The following FGF12 variants were observed in gnomAD, a reference collection of about 807,000 sequenced individuals.
FGF12 encodes fibroblast growth factor 12B.
FGF12 carries 14 observed loss-of-function variants against 23.6 expected under a neutral mutation model. That is an observed-to-expected ratio of 0.59 (90% confidence interval 0.39 to 0.93). FGF12 has a LOEUF of 0.93. FGF12 is among the 40% of genes least tolerant of loss of function. FGF12 has a pLI of 0.00. For synonymous variants in FGF12, 62 were observed against 77.3 expected (o/e 0.80, Z 1.04); for missense variants, 175 against 217.8 (o/e 0.80, Z 1.24).
intron 4 of FGF12, among the ~76,000 whole-genome samples, chr3:192,323,011 C>A (rs539468205): frequency 5.9e-5 from 9 of 152,140 alleles, no homozygotes; most frequent in Non-Finnish European, 1.3e-4. Context: ...CAAATCAAAG[C>A]TATGATGGGA....
chr3:192,444,094 C>G (rs1234407342), intron 2 of FGF12, among the ~76,000 whole-genome samples: 1 of 152,232 alleles, frequency 6.6e-6, no homozygotes, highest in East Asian at 1.9e-4. Context: ...TGGACTTTAA[C>G]GAGTTGATTG....
intron 2 of FGF12, among the ~76,000 whole-genome samples, chr3:192,436,407 G>A (rs371894933): frequency 1.3e-5 from 2 of 152,162 alleles, no homozygotes; most frequent in Non-Finnish European, 2.9e-5. Flanking sequence ...AACACGGATC[G>A]CTGGGCCTTA....
chr3:192,157,077 A>G (rs1714467846), intron 5 of FGF12, among the ~76,000 whole-genome samples: 1 of 152,222 alleles, frequency 6.6e-6, no homozygotes. Flanking sequence ...AGACACAAGG[A>G]CAAGCAGGTT....
chr3:192,475,958 A>ATAGATAGATAGATAG (rs1723308645), intron 2 of FGF12, among the ~76,000 whole-genome samples: 1 of 144,944 alleles, frequency 6.9e-6, no homozygotes, highest in African/African-American at 2.9e-5. Flanking sequence ...TAGATAGATA[A>ATAGATAGATAGATAG]TGATAGGCAG....
At chr3:192,157,010 G>A (rs538201837) in intron 5 of FGF12, among the ~76,000 whole-genome samples, 4 of 152,264 alleles carry the variant, frequency 2.6e-5, no homozygotes, top group Non-Finnish European at 5.9e-5. Flanking sequence ...ATTTAACCCA[G>A]CTTTCTGAGT....
intron 4 of FGF12, among the ~76,000 whole-genome samples, chr3:192,298,307 G>C (rs1715156504): frequency 6.6e-6 from 1 of 152,200 alleles, no homozygotes; most frequent in South Asian, 2.1e-4. Flanking sequence ...ATATAGGTAA[G>C]TGAAAAATGA....
intron 5 of FGF12, among the ~76,000 whole-genome samples, chr3:192,160,781 G>A (rs1285953075): frequency 3.9e-5 from 6 of 152,120 alleles, no homozygotes; most frequent in Non-Finnish European, 5.9e-5. Context: ...ACTAACTGAA[G>A]AAGTCTTTGG....
rs890736932 is a variant in FGF12 at position 192,447,010 on chromosome 3, T to C, written c.14-86472A>G. On this transcript the variant is annotated intron_variant, in intron 2 of 5. Transcript: ENST00000445105. ...GCAGCAATAATACTGCACCTTTAGA[T>C]TGGATGTGATCTCCCTTGTAGATAA... 2.6e-5 allele frequency among the ~76,000 whole-genome samples: 4 copies of C among 152,242 alleles called. No individual in the cohort carries two copies. The South Asian group carries it at 8.3e-4, about 32-fold the overall frequency.
chr3:192,675,929 A>C (rs1157348242), intron 2 of FGF12, among the ~76,000 whole-genome samples: 1 of 152,144 alleles, frequency 6.6e-6, no homozygotes, highest in Non-Finnish European at 1.5e-5. Context: ...CTCCCCTAAT[A>C]GGGTCTTAAA....
chr3:192,242,525 A>T (rs757494061), intron 4 of FGF12, among the ~76,000 whole-genome samples: 39 of 152,212 alleles, frequency 2.6e-4, no homozygotes, highest in Non-Finnish European at 5.4e-4. Flanking sequence ...CAATATAAGA[A>T]ATAATAAGCA....
At chr3:192,418,253 G>T (rs1316940383) in intron 2 of FGF12, among the ~76,000 whole-genome samples, 1 of 152,018 alleles carries the variant, frequency 6.6e-6, no homozygotes, top group African/African-American at 2.4e-5. Context: ...CTTAGGCCAG[G>T]AGCTACATAC....
At chr3:192,701,570 C>G (rs762609559) in intron 2 of FGF12, among the ~76,000 whole-genome samples, 1 of 152,098 alleles carries the variant, frequency 6.6e-6, no homozygotes, top group African/African-American at 2.4e-5. Context: ...ATTTTAGGCA[C>G]CTCCCATATC....
intron 4 of FGF12, among the ~76,000 whole-genome samples, chr3:192,260,133 T>A (rs147917948): frequency 6.6e-6 from 1 of 152,154 alleles, no homozygotes; most frequent in Admixed American, 6.6e-5. Flanking sequence ...AAAATCATCA[T>A]GCCAAAATGT....
rs570485099 is a variant in FGF12 at position 192,630,653 on chromosome 3, C to T, written c.13+96528G>A. Among the ~76,000 whole-genome samples the T allele has an allele frequency of 5.3e-5, 8 of 151,344 alleles. No individual in the cohort carries two copies. The East Asian group carries it at 1.6e-3, about 30-fold the overall frequency. On this transcript the variant is annotated intron_variant, in intron 2 of 5. Coordinates refer to ENST00000445105, the MANE Select transcript of FGF12 (RefSeq NM_004113.6). ...CTGCAAGCTCTGTCTCCCAGGTTCA[C>T]CCCATTCTCCTGCCTCAGCCTCCCG...
chr3:192,324,123 TATC>T (rs1211220425), intron 4 of FGF12, among the ~76,000 whole-genome samples: 2 of 151,802 alleles, frequency 1.3e-5, no homozygotes, highest in Non-Finnish European at 2.9e-5. Context: ...TTAAATAAAA[TATC>T]ATATGTACCC....
chr3:192,623,733 A>G (rs1283824781), intron 2 of FGF12, among the ~76,000 whole-genome samples: 1 of 152,180 alleles, frequency 6.6e-6, no homozygotes, highest in Non-Finnish European at 1.5e-5. Context: ...GAGAGGCTGT[A>G]AGAAAATCAG....
intron 3 of FGF12, among the ~76,000 whole-genome samples, chr3:192,347,130 G>T (rs574006277): frequency 3.3e-5 from 5 of 152,214 alleles, no homozygotes; most frequent in Admixed American, 2.0e-4. Context: ...TTGAAGACAA[G>T]TACTTTTTAA....
intron 2 of FGF12, among the ~76,000 whole-genome samples, chr3:192,525,086 T>C (rs1724910107): frequency 6.6e-6 from 1 of 152,192 alleles, no homozygotes. Flanking sequence ...GTTCTCTTTC[T>C]GCCATCCTCT....
chr3:192,338,125 T>C (rs1024346546), intron 3 of FGF12, among the ~76,000 whole-genome samples: 3 of 152,068 alleles, frequency 2.0e-5, no homozygotes, highest in South Asian at 2.1e-4. Flanking sequence ...TATTTCATCT[T>C]TTTGTTCTTT....
Sources: allele counts gnomAD v4.1 joint callset (sites outside exome capture counted in the v4.1 genomes callset), GRCh38; gene constraint gnomAD v4.1.1; transcripts MANE v1.5; gene names NCBI Gene and HGNC (gene_info 2026-07-23, HGNC 2026-07-21).